The following MTMR3 variants were observed in gnomAD, a reference collection of about 807,000 sequenced individuals.
MTMR3 encodes myotubularin related protein 3.
Under a neutral mutation model 132.4 loss-of-function variants are expected in MTMR3, and 32 were observed. The ratio of observed to expected loss-of-function variants is 0.24; its 90% CI spans 0.18 to 0.32. The LOEUF is 0.32. Ranked by LOEUF, MTMR3 falls within the 10% of genes least tolerant of loss-of-function variation. The pLI is 1.00. For missense variants in MTMR3, 1,216 were observed against 1,489.6 expected, an observed-to-expected ratio of 0.82 and a Z score of 3.02; for synonymous variants, 556 against 550.3, an observed-to-expected ratio of 1.01 and a Z score of -0.14.
intron 1 of MTMR3, among the ~76,000 whole-genome samples, chr22:29,928,621 G>C (rs938094949): frequency 1.3e-5 from 2 of 151,922 alleles, no homozygotes; most frequent in African/African-American, 4.8e-5. Context: ...GGATGGTTAG[G>C]CTGTTTCTAG....
In MTMR3 at chr22:30,020,055, A is replaced by C; in HGVS notation, c.2396A>C (p.Glu799Ala). ...LEVPVEQFRIEEIAEGREEAV... is the reference protein window; with the variant it reads ...LEVPVEQFRIAEIAEGREEAV... ...GTCCCTGTGGAGCAGTTTCGAATAGAAGAGATTGCAGAGGGTAGGGAGGAA... is the reference window on the plus strand; with the variant it reads ...GTCCCTGTGGAGCAGTTTCGAATAGCAGAGATTGCAGAGGGTAGGGAGGAA... Residue 799 changes from glutamate to alanine, a missense_variant, in exon 17 of 20, where the codon GAA (glutamate) becomes GCA (alanine). By Grantham distance (107) the Glu-to-Ala change is moderately radical. This residue lies in a region of MTMR3 where 852 missense variants were observed against 852.0 expected (regional missense o/e 1.00). Transcript: ENST00000401950. The C allele has an allele frequency of 2.5e-6, 4 of 1,614,126 alleles. No homozygotes were observed. The highest frequency in any genetic ancestry group is 3.4e-6 in the Non-Finnish European group (4 of 1,180,014).
At chr22:30,002,104 A>T (rs2067187389) in intron 8 of MTMR3, 1 of 152,178 alleles carries the variant, frequency 6.6e-6, no homozygotes, top group African/African-American at 2.4e-5. Context: ...TGTAAGTAAA[A>T]ATCTATCGGA....
At chr22:30,013,168 G>A in intron 13 of MTMR3, 188 bp from the exon 14 acceptor site, 2 of 482,962 alleles carry the variant, frequency 4.1e-6, no homozygotes, top group Non-Finnish European at 7.4e-6. Flanking sequence ...ATGGAATGGA[G>A]TTCAGGGAAT....
chr22:30,012,837 A>C (rs2067468903), intron 13 of MTMR3: 1 of 302,404 alleles, frequency 3.3e-6, no homozygotes, highest in Non-Finnish European at 6.0e-6. Flanking sequence ...TAGCTACCTC[A>C]GGAAAATAAG....
intron 1 of MTMR3, among the ~76,000 whole-genome samples, chr22:29,887,140 A>G (rs142531489): frequency 2.0e-5 from 3 of 152,302 alleles, no homozygotes; most frequent in East Asian, 1.9e-4. Context: ...TCTAGAAACA[A>G]TATACCTTTT....
chr22:29,941,588 T>G (rs571564121), intron 1 of MTMR3, among the ~76,000 whole-genome samples: 2 of 152,366 alleles, frequency 1.3e-5, no homozygotes, highest in African/African-American at 4.8e-5. Flanking sequence ...TTCTTTAATT[T>G]TAGTTAGTTC....
At chr22:29,974,215 C>T (rs1265920624) in intron 3 of MTMR3, among the ~76,000 whole-genome samples, 1 of 152,258 alleles carries the variant, frequency 6.6e-6, no homozygotes, top group South Asian at 2.1e-4. Context: ...ACCAGCGTTT[C>T]CCAATTTATC....
chr22:29,936,810 G>T (rs1427150427), intron 1 of MTMR3, among the ~76,000 whole-genome samples: 2 of 151,998 alleles, frequency 1.3e-5, no homozygotes, highest in African/African-American at 2.4e-5. Flanking sequence ...TATTCCCAAA[G>T]ACTTTTTTCA....
chr22:30,007,274 T>C lies in MTMR3; in HGVS notation c.832T>C (p.Ser278Pro), dbSNP rs761917081. The C allele has an allele frequency of 1.9e-6, 3 of 1,614,050 alleles. No individual in the cohort carries two copies. Among genetic ancestry groups the C allele is most frequent in the Admixed American group, 3.3e-5 (2 of 59,992 alleles). The change falls in exon 10 of 20, where the codon TCT (serine) becomes CCT (proline). Residue 278 changes from serine (S) to proline (P), a missense_variant. Physicochemically the swap from Ser to Pro is moderately conservative, Grantham distance 74 (BLOSUM62 -1). This residue lies in a region of MTMR3 where 47 missense variants were observed against 46.8 expected (regional missense o/e 1.00). Transcript: ENST00000401950. ...SGSKLSTRNT[S>P]RDFPNGGDLS... ...CAGCAAGCTGTCAACTAGGAACACT[T>C]CTCGAGACTTTCCCAATGGGGGAGA...
chr22:29,950,206 C>G (rs1218940114), intron 1 of MTMR3, among the ~76,000 whole-genome samples: 1 of 152,160 alleles, frequency 6.6e-6, no homozygotes, highest in African/African-American at 2.4e-5. Context: ...TAAAATGATT[C>G]TGCGTGGCTT....
intron 1 of MTMR3, among the ~76,000 whole-genome samples, chr22:29,913,014 G>A (rs1284151679): frequency 2.0e-5 from 3 of 152,280 alleles, no homozygotes; most frequent in East Asian, 3.9e-4. Context: ...AAGCCGAGGC[G>A]AGAGAATCAC....
intron 1 of MTMR3, among the ~76,000 whole-genome samples, chr22:29,899,004 AT>A (rs1206574528): frequency 6.6e-6 from 1 of 150,934 alleles, no homozygotes; most frequent in Non-Finnish European, 1.5e-5. Flanking sequence ...GTAGTTACAC[AT>A]TTTATAACAT....
chr22:29,998,558 A>G (rs1335604857), intron 7 of MTMR3: 5 of 258,788 alleles, frequency 1.9e-5, no homozygotes, highest in African/African-American at 1.1e-4. Flanking sequence ...CACAAGAATC[A>G]CTTGAACCTG....
chr22:29,999,369 T>G (rs903919321), intron 8 of MTMR3: 3 of 152,316 alleles, frequency 2.0e-5, no homozygotes, highest in African/African-American at 7.2e-5. Context: ...TTTTGGAATA[T>G]TTGCATGAAC....
intron 1 of MTMR3, among the ~76,000 whole-genome samples, chr22:29,928,419 GC>G (rs1489879166): frequency 6.6e-6 from 1 of 151,906 alleles, no homozygotes; most frequent in African/African-American, 2.4e-5. Flanking sequence ...TGATCCGCTG[GC>G]CTTGGTCTCC....
intron 2 of MTMR3, among the ~76,000 whole-genome samples, chr22:29,967,192 G>GT (rs1249483181): frequency 1.3e-4 from 8 of 63,196 alleles, no homozygotes; most frequent in Admixed American, 6.0e-4. Context: ...CTTCACCTCT[G>GT]TTGTGTGTGT....
chr22:29,936,387 T>C (rs574617071), intron 1 of MTMR3, among the ~76,000 whole-genome samples: 5 of 152,296 alleles, frequency 3.3e-5, no homozygotes, highest in African/African-American at 1.2e-4. Flanking sequence ...TGCTCTATTG[T>C]GCTGGTGCCC....
rs2145992854 is a variant in MTMR3 at position 30,026,580 on chromosome 22, G to A, written c.*779G>A. On this transcript the variant is annotated 3_prime_UTR_variant, in exon 20 of 20. Coordinates refer to ENST00000401950, the MANE Select transcript of MTMR3 (RefSeq NM_021090.4). ...TTCAGGGGGCTGCTTTCCTGGGCCA[G>A]GCTGTGTAGCACTTCCCACCCTCAG... 6.5e-6 allele frequency: 1 copy of A among 153,134 alleles called. No homozygotes were observed. The highest frequency in any genetic ancestry group is 3.4e-3 in the Middle Eastern group (1 of 298). The allele number at this position is 153,134 out of a possible 1,614,324, so 9.5% of individuals were successfully genotyped here. A position where few individuals can be genotyped will look rare whatever the true frequency, so the allele number is the denominator to read the frequency against.
intron 3 of MTMR3, among the ~76,000 whole-genome samples, chr22:29,976,585 T>C (rs1314033028): frequency 1.3e-5 from 2 of 152,214 alleles, no homozygotes; most frequent in African/African-American, 4.8e-5. Context: ...TTTATCAAGG[T>C]CATTCTTATG....
Sources: allele counts gnomAD v4.1 joint callset (sites outside exome capture counted in the v4.1 genomes callset), GRCh38; gene constraint gnomAD v4.1.1; regional missense constraint gnomAD v4.1.1; transcripts MANE v1.5; gene names NCBI Gene and HGNC (gene_info 2026-07-23, HGNC 2026-07-21).